DPP10: variants seen among roughly 807,000 people sequenced by gnomAD.
DPP10 encodes dipeptidyl peptidase like 10.
DPP10 carries 33 observed loss-of-function variants against 120.9 expected under a neutral mutation model. The ratio of observed to expected loss-of-function variants is 0.27; its 90% CI spans 0.21 to 0.37. The LOEUF (loss-of-function observed/expected upper bound fraction) is 0.37. Ranked by LOEUF, DPP10 falls within the 10% of genes least tolerant of loss-of-function variation. The probability of loss-of-function intolerance (pLI) is 1.00; values close to 1 mark genes in which losing one functional copy is unlikely to be tolerated. For synonymous variants in DPP10, 337 were observed against 326.1 expected, an observed-to-expected ratio of 1.03 and a Z score of -0.36; for missense variants, 816 against 942.8, an observed-to-expected ratio of 0.87 and a Z score of 1.76.
chr2:115,689,329 G>GAA (rs2091181683), intron 5 of DPP10, among the ~76,000 whole-genome samples: 1 of 152,102 alleles, frequency 6.6e-6, no homozygotes, highest in African/African-American at 2.4e-5. Flanking sequence ...GGGAGTGGGT[G>GAA]ATAAGTTTAG....
chr2:115,563,195 C>T (rs1226697566), intron 5 of DPP10, among the ~76,000 whole-genome samples: 1 of 152,174 alleles, frequency 6.6e-6, no homozygotes, highest in Non-Finnish European at 1.5e-5. Context: ...GGAGCATTTG[C>T]TGTGCATCAT....
intron 1 of DPP10, among the ~76,000 whole-genome samples, chr2:115,200,558 T>C (rs2055629737): frequency 6.6e-6 from 1 of 152,220 alleles, no homozygotes; most frequent in African/African-American, 2.4e-5. Flanking sequence ...AATAAGACTT[T>C]ATAAGAATAG....
intron 4 of DPP10, among the ~76,000 whole-genome samples, chr2:115,525,040 C>A (rs1328700421): frequency 6.6e-6 from 1 of 152,054 alleles, no homozygotes; most frequent in Non-Finnish European, 1.5e-5. Flanking sequence ...TTATAGAGAG[C>A]AGTCTTATGG....
intron 1 of DPP10, among the ~76,000 whole-genome samples, chr2:115,083,179 G>A (rs572574608): frequency 1.3e-5 from 2 of 151,956 alleles, no homozygotes; most frequent in South Asian, 2.1e-4. Context: ...GCATTTGTTA[G>A]GTTTCCGTCT....
At chr2:115,021,997 G>A (rs1703109509) in intron 1 of DPP10, among the ~76,000 whole-genome samples, 1 of 151,764 alleles carries the variant, frequency 6.6e-6, no homozygotes, top group Non-Finnish European at 1.5e-5. Context: ...ATTGGCCATA[G>A]CAAAATAGGA....
rs760689853 is a variant in DPP10, at chr2:115,525,901, A to T, written c.370A>T (p.Thr124Ser). The change falls in exon 5 of 26, where the codon ACC (threonine) becomes TCC (serine). Residue 124 changes from threonine to serine, a missense_variant. Coordinates refer to ENST00000410059, the MANE Select transcript of DPP10 (RefSeq NM_020868.6). Reference sequence around the variant, plus strand: ...TGGTTTTTTTTTCTTTTTCTAGGTAACCTTCAAAGCATCAAGACATTCAGT... The same window carrying T: ...TGGTTTTTTTTTCTTTTTCTAGGTATCCTTCAAAGCATCAAGACATTCAGT... ...TLLLENTTFV[T>S]FKASRHSVSP... is the part of the protein sequence containing the mutation. 6.3e-7 allele frequency: 1 copy of T among 1,595,152 alleles called. No homozygotes were observed. Among genetic ancestry groups the T allele is most frequent in the South Asian group, 1.2e-5 (1 of 86,698 alleles).
intron 1 of DPP10, among the ~76,000 whole-genome samples, chr2:114,553,648 C>T (rs995873950): frequency 6.6e-6 from 1 of 151,958 alleles, no homozygotes; most frequent in Non-Finnish European, 1.5e-5. Flanking sequence ...GATTGACCAG[C>T]CTTTTAGGCT....
rs563740276 is a variant in DPP10 at position 115,739,962 on chromosome 2, C to T, written c.852+69C>T. Reference sequence around the variant, plus strand: ...CACTAGTGACTTGACAGATGGTATTCTTGGTTCTTGAACAAGTTGTCTTTG... The same window carrying T: ...CACTAGTGACTTGACAGATGGTATTTTTGGTTCTTGAACAAGTTGTCTTTG... On this transcript the variant is annotated intron_variant, in intron 9 of 25. Transcript: ENST00000410059. 37 of 1,528,826 alleles carry T rather than the reference C, an allele frequency of 2.4e-5. No homozygotes were observed. In the African/African-American group the frequency reaches 5.1e-4, roughly 21 times the overall value. 94.7% of individuals were successfully genotyped at this position (1,528,826 alleles called of 1,614,324 possible).
intron 5 of DPP10, among the ~76,000 whole-genome samples, chr2:115,527,649 C>T (rs546691699): frequency 7.9e-5 from 12 of 152,098 alleles, no homozygotes; most frequent in South Asian, 4.1e-4. Context: ...TAAAAATGAA[C>T]GGTTAAAAAC....
At chr2:115,480,273 GAATTA>G (rs1489987802) in intron 3 of DPP10, among the ~76,000 whole-genome samples, 2 of 152,064 alleles carry the variant, frequency 1.3e-5, no homozygotes, top group Non-Finnish European at 2.9e-5. Flanking sequence ...GTAAATATAA[GAATTA>G]AATGAGATAA....
intron 3 of DPP10, among the ~76,000 whole-genome samples, chr2:115,407,065 G>C (rs2068563940): frequency 6.6e-6 from 1 of 152,180 alleles, no homozygotes; most frequent in Non-Finnish European, 1.5e-5. Context: ...CCTGTTAACA[G>C]GTCTCAACCT....
chr2:114,485,596 C>T (rs1250265212), intron 1 of DPP10, among the ~76,000 whole-genome samples: 1 of 150,292 alleles, frequency 6.7e-6, no homozygotes, highest in African/African-American at 2.5e-5. Context: ...AGTGTTGTGG[C>T]CTAATGTAGG....
intron 2 of DPP10, among the ~76,000 whole-genome samples, chr2:115,314,110 G>A (rs1269212965): frequency 1.3e-5 from 2 of 152,160 alleles, no homozygotes; most frequent in Admixed American, 6.6e-5. Flanking sequence ...AACATTTTGT[G>A]CAGAATAGAA....
At chr2:115,318,966 A>G (rs1169081458) in intron 2 of DPP10, among the ~76,000 whole-genome samples, 1 of 152,154 alleles carries the variant, frequency 6.6e-6, no homozygotes, top group Non-Finnish European at 1.5e-5. Flanking sequence ...AACAATGGTA[A>G]AAGTGGATAT....
intron 3 of DPP10, among the ~76,000 whole-genome samples, chr2:115,347,818 T>A (rs1455474929): frequency 6.6e-6 from 1 of 152,196 alleles, no homozygotes; most frequent in African/African-American, 2.4e-5. Context: ...GAACTCATCC[T>A]TTTTTGTGGC....
At chr2:115,173,289 A>C (rs1466225283) in intron 1 of DPP10, among the ~76,000 whole-genome samples, 1 of 152,116 alleles carries the variant, frequency 6.6e-6, no homozygotes, top group African/African-American at 2.4e-5. Context: ...AGCTGCTTGG[A>C]CTCAGAAATG....
intron 1 of DPP10, among the ~76,000 whole-genome samples, chr2:114,549,913 C>G (rs947621904): frequency 2.6e-5 from 4 of 152,000 alleles, no homozygotes; most frequent in African/African-American, 9.7e-5. Flanking sequence ...AATGGGGTGA[C>G]GTGGGGCTGG....
Position 114,510,486 on chromosome 2 carries a change from C to G in DPP10, c.60+67648C>G, listed in dbSNP as rs531479141. Among the ~76,000 whole-genome samples the G allele has an allele frequency of 3.3e-5, 5 of 152,238 alleles. No individual in the cohort carries two copies. The East Asian group carries it at 9.7e-4, about 29-fold the overall frequency. Reference sequence around the variant, plus strand: ...GGGCATGGTTGTGTGTGCCAGTAATCCCAGCTACTCAGGAGGCTGAGGCAG... The same window carrying G: ...GGGCATGGTTGTGTGTGCCAGTAATGCCAGCTACTCAGGAGGCTGAGGCAG... On this transcript the variant is annotated intron_variant, in intron 1 of 25. Transcript: ENST00000410059.
At chr2:115,220,665 C>T (rs948846408) in intron 1 of DPP10, among the ~76,000 whole-genome samples, 2 of 152,020 alleles carry the variant, frequency 1.3e-5, no homozygotes, top group Non-Finnish European at 2.9e-5. Flanking sequence ...AGACATGTCA[C>T]TTACACTTTG....
Sources: allele counts gnomAD v4.1 joint callset (sites outside exome capture counted in the v4.1 genomes callset), GRCh38; gene constraint gnomAD v4.1.1; transcripts MANE v1.5; gene names NCBI Gene and HGNC (gene_info 2026-07-23, HGNC 2026-07-21).